The following LCN6 variants were observed in gnomAD, a reference collection of about 807,000 sequenced individuals.
The protein encoded by LCN6 is epididymal-specific lipocalin-6.
A neutral mutation model predicts 21.4 loss-of-function variants in LCN6; 20 were observed. That is an observed-to-expected ratio of 0.93 (90% CI 0.66 to 1.36). LCN6 has a LOEUF of 1.36. Among genes scored for constraint, LCN6 ranks in the 40% most tolerant of loss-of-function variants. The pLI is 0.00. For synonymous variants in LCN6, 96 were observed against 89.0 expected, an observed-to-expected ratio of 1.08 and a Z score of -0.44; for missense variants, 217 against 206.6, an observed-to-expected ratio of 1.05 and a Z score of -0.31.
In LCN6 at chr9:136,745,831, C is replaced by A. The variant is rs911749082; in HGVS notation, c.301+13G>T. The A allele has an allele frequency of 6.2e-7, 1 of 1,612,132 alleles. No homozygotes were observed. Among genetic ancestry groups the A allele is most frequent in the Non-Finnish European group, 8.5e-7 (1 of 1,178,550 alleles). ...AAGAACGGCCTGGGTGAGGCCGTGGCCGTCAGACTCACAGGGATTCTCAAA... is the reference window on the plus strand; with the variant it reads ...AAGAACGGCCTGGGTGAGGCCGTGGACGTCAGACTCACAGGGATTCTCAAA... On this transcript the variant is annotated intron_variant, in intron 3 of 6. Transcript: ENST00000341206.
At chr9:136,748,334 G>A in intron 1 of LCN6, 60 bp downstream of exon 1, 1 of 1,437,708 alleles carries the variant, frequency 7.0e-7, no homozygotes, top group Non-Finnish European at 9.6e-7. Flanking sequence ...AAGCTGTGTG[G>A]CCTTAAAGGA....
In LCN6 at chr9:136,748,427, C is replaced by T; in HGVS notation, c.57G>A (p.Gln19=). Residue 19 remains glutamine (Q), a synonymous_variant, in exon 1 of 7, where the codon CAG becomes CAA. Transcript: ENST00000341206. ...FLALVSVPRA[Q]AVWLGRLDPE... ...GGTCCAGTCTTCCCAACCACACGGCCTGGGCCCTGGGCACCGAGACCAAAG... is the reference window on the plus strand; with the variant it reads ...GGTCCAGTCTTCCCAACCACACGGCTTGGGCCCTGGGCACCGAGACCAAAG... 1 of 1,613,118 alleles carries T rather than the reference C, an allele frequency of 6.2e-7. No individual in the cohort carries two copies. The highest frequency in any genetic ancestry group is 8.5e-7 in the Non-Finnish European group (1 of 1,179,934).
chr9:136,747,608 C>CCAGCCTCCAGCCTCCAACCCTCCAGCCT (rs1410191299), intron 1 of LCN6, 45 bp from the exon 2 acceptor site: 1 of 1,574,804 alleles, frequency 6.3e-7, no homozygotes, highest in Admixed American at 1.8e-5. Flanking sequence ...CCTCCAGCCT[C>CCAGCCTCCAGCCTCCAACCCTCCAGCCT]CAGCCTCCAG....
rs1243530511 is a variant in LCN6 at position 136,744,906 on chromosome 9, GCC to G, written c.413-167_413-166del. Among the ~76,000 whole-genome samples, 1 of 151,996 alleles carries G rather than the reference GCC, an allele frequency of 6.6e-6. No individual in the cohort carries two copies. The highest frequency in any genetic ancestry group is 2.4e-5 in the African/African-American group (1 of 41,346). On this transcript the variant is annotated intron_variant, in intron 4 of 6. Transcript: ENST00000341206. The surrounding 1 kb of genome is among the most constrained non-coding windows in gnomAD (Gnocchi z 4.2). ...GCGAGCCTCAAGGTGGGGGAACTTGGCCTGCATGTGGTCCTGTGCGGCCCACC... is the reference window on the plus strand; with the variant it reads ...GCGAGCCTCAAGGTGGGGGAACTTGGTGCATGTGGTCCTGTGCGGCCCACC...
chr9:136,748,350 TG>T, intron 1 of LCN6, 43 bp downstream of exon 1: 1 of 1,537,202 alleles, frequency 6.5e-7, no homozygotes, highest in Non-Finnish European at 8.9e-7. Context: ...AAGGAGGGGC[TG>T]GCCCCCGAGG....
chr9:136,747,735 C>A (rs1425220160), intron 1 of LCN6, among the ~76,000 whole-genome samples, 172 bp from the exon 2 acceptor site: 1 of 108,312 alleles, frequency 9.2e-6, no homozygotes, highest in Non-Finnish European at 1.9e-5. Context: ...AGCCTTCCAG[C>A]CCTGCAGCCT....
chr9:136,744,724 T>C lies in LCN6; in HGVS notation c.430A>G (p.Ser144Gly). The C allele has an allele frequency of 6.2e-7, 1 of 1,608,626 alleles. No homozygotes were observed. ...VELYSLTETA[S>G]QEAMGLFTKW... ...GTGAAGAGCCCCATGGCCTCCTGGC[T>C]GGCTGTCTCCGTCAGACCTGGGGGC... The change falls in exon 5 of 7, where the codon AGC becomes GGC. Residue 144 changes from serine (S) to glycine (G), a missense_variant. Coordinates refer to ENST00000341206, the MANE Select transcript of LCN6 (RefSeq NM_198946.3). The surrounding 1 kb of genome is among the most constrained non-coding windows in gnomAD (Gnocchi z 4.2).
chr9:136,745,879 A>G lies in LCN6; in HGVS notation c.266T>C (p.Ile89Thr), dbSNP rs748745416. ...GGCDQSVMDL[I>T]KRNSGWVFEN... is the part of the protein sequence containing the mutation. ...AAACACCCATCCGGAGTTTCGCTTT[A>G]TCAGGTCCATGACACTCTGGTCACA... The change falls in exon 3 of 7, where the codon ATA (isoleucine) becomes ACA (threonine). Residue 89 changes from isoleucine to threonine, a missense_variant. Coordinates refer to ENST00000341206, the MANE Select transcript of LCN6 (RefSeq NM_198946.3). 3.4e-5 allele frequency: 55 copies of G among 1,613,566 alleles called. No homozygotes were observed. Among genetic ancestry groups the G allele is most frequent in the Admixed American group, 6.7e-5 (4 of 59,990 alleles).
Position 136,745,272 on chromosome 9 carries a change from C to T in LCN6, c.310G>A (p.Val104Met), listed in dbSNP as rs142669236. The T allele has an allele frequency of 3.4e-5, 54 of 1,611,934 alleles. No homozygotes were observed. In the African/African-American group the frequency reaches 3.5e-4, roughly 10 times the overall value. Residue 104 changes from valine to methionine, a missense_variant, in exon 4 of 7, where the codon GTG becomes ATG. Coordinates refer to ENST00000341206, the MANE Select transcript of LCN6 (RefSeq NM_198946.3). ...GTGGCCAGCACCCAGAGCTCCAGCA[C>T]GCCTATTGCTAGGAAACAAAACCCC... The part of the protein sequence containing the change: ...GWVFENPSIG[V>M]LELWVLATNF...
intron 1 of LCN6, 147 bp from the exon 2 acceptor site, chr9:136,747,710 A>C: frequency 1.0e-6 from 1 of 959,556 alleles, no homozygotes; most frequent in African/African-American, 2.2e-5. Flanking sequence ...TCCAGCCTCC[A>C]ACCCTCCAGC....
Position 136,747,734 on chromosome 9 carries a change from G to A in LCN6, c.91-171C>T, listed in dbSNP as rs1300471221. Among the ~76,000 whole-genome samples, 86 of 96,080 alleles carry A rather than the reference G, an allele frequency of 9.0e-4. 1 individual carries two copies. The highest frequency in any genetic ancestry group is 3.4e-3 in the African/African-American group (59 of 17,508). The allele number at this position is 96,080 out of a possible 152,430, so 63.0% of individuals were successfully genotyped here. On this transcript the variant is annotated intron_variant, in intron 1 of 6. Transcript: ENST00000341206. Reference sequence around the variant, plus strand: ...CAACCCTCCAGCCTCCAGCCTTCCAGCCCTGCAGCCTCCAGCCTCCACCCT... The same window carrying A: ...CAACCCTCCAGCCTCCAGCCTTCCAACCCTGCAGCCTCCAGCCTCCACCCT...
At chr9:136,748,038 C>T (rs1409651948) in intron 1 of LCN6, among the ~76,000 whole-genome samples, 2 of 138,266 alleles carry the variant, frequency 1.4e-5, no homozygotes, top group Non-Finnish European at 3.1e-5. Flanking sequence ...GCCTCCAGCC[C>T]TCCAGCCTCC....
At position 136,745,390 on chromosome 9, in the gene LCN6, C is replaced by T. The variant is rs565478084; in HGVS notation, c.302-110G>A. 1.1e-3 allele frequency: 838 copies of T among 756,298 alleles called. 2 individuals are homozygous for T. Among genetic ancestry groups the T allele is most frequent in the Non-Finnish European group, 1.7e-3 (760 of 438,290 alleles). 46.8% of individuals were successfully genotyped at this position (756,298 alleles called of 1,614,324 possible). ...AGAGGGGCCAATTCAAGTGAGAGCC[C>T]CCCTCCCCAGGAGACCCCTCCAAGC... On this transcript the variant is annotated intron_variant, in intron 3 of 6. Transcript: ENST00000341206.
intron 2 of LCN6, chr9:136,747,041 G>A (rs575135384): frequency 1.7e-5 from 3 of 176,630 alleles, no homozygotes; most frequent in African/African-American, 4.7e-5. Context: ...AGAACCAGTG[G>A]TTCTTAGGTC....
chr9:136,746,000 G>C lies in LCN6; in HGVS notation c.231-86C>G. ...GACGGAGCTCAGGAGTCCAGGCCAG[G>C]CCAGCCAGCAGTGAGGCCAGAGCTT... is the stretch of plus-strand genomic sequence containing the variant. On this transcript the variant is annotated intron_variant, in intron 2 of 6. Transcript: ENST00000341206. 3 of 1,199,926 alleles carry C rather than the reference G, an allele frequency of 2.5e-6. No homozygotes were observed. The Admixed American group carries it at 5.2e-5, about 21-fold the overall frequency. 74.3% of individuals were successfully genotyped at this position (1,199,926 alleles called of 1,614,324 possible).
At position 136,744,115 on chromosome 9, in the gene LCN6, G is replaced by A. The variant is rs45546340; in HGVS notation, c.*76C>T. On this transcript the variant is annotated 3_prime_UTR_variant, in exon 7 of 7. Coordinates refer to ENST00000341206, the MANE Select transcript of LCN6 (RefSeq NM_198946.3). The surrounding 1 kb of genome is among the most constrained non-coding windows in gnomAD (Gnocchi z 4.2). ...GCCGAGGTCACAGGACCCTGTGGGCGCCATCCCTACTGGGGACGCAGCACT... is the reference window on the plus strand; with the variant it reads ...GCCGAGGTCACAGGACCCTGTGGGCACCATCCCTACTGGGGACGCAGCACT... The A allele has an allele frequency of 0.013, 1,964 of 152,474 alleles. 24 individuals carry two copies. The highest frequency in any genetic ancestry group is 0.024 in the South Asian group (116 of 4,826). 9.4% of individuals were successfully genotyped at this position (152,474 alleles called of 1,614,324 possible).
chr9:136,745,833 G>T lies in LCN6; in HGVS notation c.301+11C>A. 1 of 1,612,338 alleles carries T rather than the reference G, an allele frequency of 6.2e-7. No individual in the cohort carries two copies. On this transcript the variant is annotated intron_variant, in intron 3 of 6. Coordinates refer to ENST00000341206, the MANE Select transcript of LCN6 (RefSeq NM_198946.3). ...GAACGGCCTGGGTGAGGCCGTGGCC[G>T]TCAGACTCACAGGGATTCTCAAACA... is the stretch of plus-strand genomic sequence containing the variant.
Position 136,744,784 on chromosome 9 carries a change from G to A in LCN6, c.413-43C>T. The stretch of plus-strand genomic sequence containing the variant: ...GTGCAGGGGGAAGCAACCTCTGAGA[G>A]CTGGGGAGGGGCCGGGGAGGGGCTG... On this transcript the variant is annotated intron_variant, in intron 4 of 6. Coordinates refer to ENST00000341206, the MANE Select transcript of LCN6 (RefSeq NM_198946.3). The surrounding 1 kb of genome is among the most constrained non-coding windows in gnomAD (Gnocchi z 4.2). 1 of 1,405,652 alleles carries A rather than the reference G, an allele frequency of 7.1e-7. No homozygotes were observed. The highest frequency in any genetic ancestry group is 1.0e-6 in the Non-Finnish European group (1 of 1,004,084). The allele number at this position is 1,405,652 out of a possible 1,614,324, so 87.1% of individuals were successfully genotyped here. A position where few individuals can be genotyped will look rare whatever the true frequency, so the allele number is the denominator to read the frequency against.
Position 136,747,414 on chromosome 9 carries a change from G to A in LCN6, c.230+10C>T, listed in dbSNP as rs200318328. 958 of 1,611,500 alleles carry A rather than the reference G, an allele frequency of 5.9e-4. 3 individuals are homozygous for A. Among genetic ancestry groups the A allele is most frequent in the South Asian group, 8.6e-4 (78 of 91,026 alleles). On this transcript the variant is annotated intron_variant, in intron 2 of 6. Coordinates refer to ENST00000341206, the MANE Select transcript of LCN6 (RefSeq NM_198946.3). ...CCTGCGGGAAGGCCTGGCAGGACCC[G>A]CCCACTCACCCGTGCTGAGAGGACA...
Sources: gnomAD v4.1 joint callset for allele counts (sites outside exome capture counted in the v4.1 genomes callset) on GRCh38, gnomAD v4.1.1 for gene constraint, Gnocchi (gnomAD v3.1) non-coding constraint, MANE v1.5 for transcripts, NCBI Gene and HGNC (gene_info 2026-07-23, HGNC 2026-07-21) for gene names.